The following SH3RF3 variants were observed in gnomAD, a reference collection of about 807,000 sequenced individuals.
The protein encoded by SH3RF3 is SH3 domain containing ring finger 3.
Under a neutral mutation model 66.3 loss-of-function variants are expected in SH3RF3, and 29 were observed. That is an observed-to-expected ratio of 0.44 (90% CI 0.33 to 0.60). The LOEUF (loss-of-function observed/expected upper bound fraction) is 0.60, where lower values mean the gene tolerates loss of function less well. Ranked by LOEUF, SH3RF3 falls within the 20% of genes least tolerant of loss-of-function variation. The pLI, the probability that SH3RF3 is intolerant of heterozygous loss-of-function variation, is 0.04. For missense variants in SH3RF3, 1,194 were observed against 1,190.9 expected (o/e 1.00, Z -0.04); for synonymous variants, 583 against 532.0 (o/e 1.10, Z -1.32).
intron 1 of SH3RF3, among the ~76,000 whole-genome samples, chr2:109,195,565 G>A (rs943030382): frequency 2.6e-5 from 4 of 152,324 alleles, no homozygotes; most frequent in Admixed American, 6.5e-5. Flanking sequence ...CCTAACCCTC[G>A]CATGCTTGAT....
At chr2:109,361,978 G>A (rs570694930) in intron 2 of SH3RF3, among the ~76,000 whole-genome samples, 71 of 152,062 alleles carry the variant, frequency 4.7e-4, no homozygotes, top group African/African-American at 1.5e-3. Flanking sequence ...TAGTTTGCTT[G>A]CTAGAAGCAT....
chr2:109,164,299 C>T (rs1180545573), intron 1 of SH3RF3, among the ~76,000 whole-genome samples: 1 of 152,192 alleles, frequency 6.6e-6, no homozygotes, highest in Non-Finnish European at 1.5e-5. Context: ...CCTCCCACCT[C>T]AGCCTCCCTG....
At chr2:109,277,565 T>G (rs1680784522) in intron 1 of SH3RF3, among the ~76,000 whole-genome samples, 1 of 152,196 alleles carries the variant, frequency 6.6e-6, no homozygotes, top group South Asian at 2.1e-4. Context: ...TCCCTGAGAC[T>G]TACGTGTACA....
At chr2:109,208,949 G>A (rs1331801273) in intron 1 of SH3RF3, among the ~76,000 whole-genome samples, 2 of 152,214 alleles carry the variant, frequency 1.3e-5, no homozygotes, top group Non-Finnish European at 2.9e-5. Flanking sequence ...TCAGACAGAG[G>A]TGTCTTTGGC....
intron 1 of SH3RF3, among the ~76,000 whole-genome samples, chr2:109,132,026 G>T (rs1284088093): frequency 6.6e-6 from 1 of 152,176 alleles, no homozygotes; most frequent in African/African-American, 2.4e-5. Context: ...CTATACAGTT[G>T]GTTGACAAAG....
intron 1 of SH3RF3, among the ~76,000 whole-genome samples, chr2:109,152,086 A>G (rs2104874235): frequency 6.6e-6 from 1 of 152,352 alleles, no homozygotes; most frequent in African/African-American, 2.4e-5. Context: ...GTCTTGATGG[A>G]CATGGAGTCT....
chr2:109,442,347 A>G (rs1388666327), intron 7 of SH3RF3, among the ~76,000 whole-genome samples: 1 of 151,912 alleles, frequency 6.6e-6, no homozygotes, highest in Non-Finnish European at 1.5e-5. Context: ...ACACTATTAG[A>G]AAGGTAAAAA....
intron 8 of SH3RF3, among the ~76,000 whole-genome samples, chr2:109,453,573 C>A (rs920261171): frequency 6.6e-6 from 1 of 152,132 alleles, no homozygotes; most frequent in African/African-American, 2.4e-5. Context: ...CCTAACCACC[C>A]GACCGGCCAT....
chr2:109,449,585 C>T, intron 8 of SH3RF3, 96 bp downstream of exon 8: 1 of 1,441,276 alleles, frequency 6.9e-7, no homozygotes, highest in African/African-American at 1.4e-5. Context: ...GCAATTGAAG[C>T]TAGAATGTGG....
chr2:109,386,341 G>T (rs1675822239), intron 3 of SH3RF3, among the ~76,000 whole-genome samples: 1 of 152,144 alleles, frequency 6.6e-6, no homozygotes, highest in East Asian at 1.9e-4. Context: ...GCTGGAAGCA[G>T]CAGGGAAGGT....
chr2:109,348,274 G>C (rs1682762536), intron 2 of SH3RF3, among the ~76,000 whole-genome samples: 1 of 152,220 alleles, frequency 6.6e-6, no homozygotes, highest in Admixed American at 6.5e-5. Flanking sequence ...TCTAAGCGCT[G>C]ACCCAGGTGC....
At chr2:109,445,776 T>C (rs981679987) in intron 7 of SH3RF3, among the ~76,000 whole-genome samples, 2 of 152,100 alleles carry the variant, frequency 1.3e-5, no homozygotes, top group African/African-American at 4.8e-5. Flanking sequence ...CTTGGAGTTG[T>C]GGGAGTTCCA....
At chr2:109,170,291 T>C (rs1343021560) in intron 1 of SH3RF3, among the ~76,000 whole-genome samples, 67 of 110,706 alleles carry the variant, frequency 6.1e-4, no homozygotes, top group African/African-American at 1.7e-3. Context: ...TCTCTTCTCT[T>C]CTCTTCTCTT....
intron 1 of SH3RF3, among the ~76,000 whole-genome samples, chr2:109,197,265 G>A (rs926594227): frequency 3.9e-5 from 6 of 152,130 alleles, no homozygotes; most frequent in African/African-American, 1.2e-4. Context: ...TTCGTTGGTC[G>A]TTAGGGATGC....
At chr2:109,157,239 G>C (rs1394948910) in intron 1 of SH3RF3, among the ~76,000 whole-genome samples, 2 of 152,144 alleles carry the variant, frequency 1.3e-5, no homozygotes, top group African/African-American at 4.8e-5. Context: ...CTGCTGGTAG[G>C]TCTAGTTTTA....
rs182544069 is a variant in SH3RF3 at position 109,159,458 on chromosome 2, G to A, written c.573+29345G>A. The stretch of plus-strand genomic sequence containing the variant: ...GCCTCCTGCATTACTGTGGATTTTA[G>A]TGGGGGAAGAATTGGCTTGTTTTAC... On this transcript the variant is annotated intron_variant, in intron 1 of 9. Coordinates refer to ENST00000309415, the MANE Select transcript of SH3RF3 (RefSeq NM_001099289.3). Among the ~76,000 whole-genome samples, 252 of 152,354 alleles carry A rather than the reference G, an allele frequency of 1.7e-3. 3 individuals are homozygous for A. Among genetic ancestry groups the A allele is most frequent in the Admixed American group, 5.8e-3 (89 of 15,312 alleles).
chr2:109,457,169 C>T (rs895696748), intron 8 of SH3RF3, among the ~76,000 whole-genome samples: 6 of 152,068 alleles, frequency 3.9e-5, no homozygotes, highest in Non-Finnish European at 7.3e-5. Context: ...GTTAGTTTGA[C>T]GAATGCATAA....
intron 1 of SH3RF3, among the ~76,000 whole-genome samples, chr2:109,138,536 C>T (rs1414863227): frequency 6.6e-6 from 1 of 152,210 alleles, no homozygotes; most frequent in Non-Finnish European, 1.5e-5. Flanking sequence ...TTCTGGACTT[C>T]ATGTATTGTA....
intron 1 of SH3RF3, among the ~76,000 whole-genome samples, chr2:109,145,777 T>C (rs964808135): frequency 1.3e-5 from 2 of 152,148 alleles, no homozygotes; most frequent in Non-Finnish European, 2.9e-5. Flanking sequence ...AGGAGCAGTA[T>C]TGGTTTGTTG....
Sources: allele counts gnomAD v4.1 joint callset (sites outside exome capture counted in the v4.1 genomes callset), GRCh38; gene constraint gnomAD v4.1.1; transcripts MANE v1.5; gene names NCBI Gene and HGNC (gene_info 2026-07-23, HGNC 2026-07-21).